The following CTXN3 variants were observed in gnomAD, a reference collection of about 807,000 sequenced individuals.
CTXN3 encodes the protein cortexin-3.
Under a neutral mutation model 5.0 loss-of-function variants are expected in CTXN3, and 4 were observed. That is an observed-to-expected ratio of 0.79 (90% CI 0.39 to 1.82). The LOEUF is 1.82. Among genes scored for constraint, CTXN3 ranks in the 40% most tolerant of loss-of-function variants. CTXN3 has a pLI of 0.04. For missense variants in CTXN3, 89 were observed against 99.7 expected (o/e 0.89, Z 0.46); for synonymous variants, 48 against 38.6 (o/e 1.24, Z -0.91).
rs1749960867 is a variant in CTXN3, at chr5:127,658,217, A to G, written c.*450A>G. On this transcript the variant is annotated 3_prime_UTR_variant, in exon 3 of 3. Transcript: ENST00000379445. ...GGCACCTATCTGGGTCCTGAGCAGA[A>G]TGAGGAAGATTGTGCTGAATGGACC... 1 of 179,882 alleles carries G rather than the reference A, an allele frequency of 5.6e-6. No individual in the cohort carries two copies. Among genetic ancestry groups the G allele is most frequent in the Non-Finnish European group, 1.3e-5 (1 of 75,700 alleles). The allele number at this position is 179,882 out of a possible 1,614,324, so 11.1% of individuals were successfully genotyped here.
chr5:127,654,697 AGAAGGCTGGG>A (rs1749865428), intron 2 of CTXN3, among the ~76,000 whole-genome samples: 1 of 152,156 alleles, frequency 6.6e-6, no homozygotes, highest in South Asian at 2.1e-4. Context: ...TGTATGGAAG[AGAAGGCTGGG>A]GAAGACTACT....
intron 1 of CTXN3, chr5:127,651,549 C>A (rs1347905522): frequency 6.6e-6 from 1 of 151,964 alleles, no homozygotes; most frequent in African/African-American, 2.4e-5. Flanking sequence ...ATTTTCATAC[C>A]TTAGTGTGCT....
Position 127,657,771 on chromosome 5 carries a change from G to T in CTXN3, c.*4G>T. The T allele has an allele frequency of 6.2e-7, 1 of 1,613,950 alleles. No individual in the cohort carries two copies. The highest frequency in any genetic ancestry group is 8.5e-7 in the Non-Finnish European group (1 of 1,179,930). ...GTTCGACCATGCCCTTGCTTAGGAG[G>T]GATGGTGTGGGATCTCCTCCTGAGG... On this transcript the variant is annotated 3_prime_UTR_variant, in exon 3 of 3. Coordinates refer to ENST00000379445, the MANE Select transcript of CTXN3 (RefSeq NM_001048252.3).
chr5:127,650,925 T>A (rs1749772023), intron 1 of CTXN3, among the ~76,000 whole-genome samples: 2 of 152,164 alleles, frequency 1.3e-5, no homozygotes, highest in African/African-American at 2.4e-5. Flanking sequence ...GTGCTAAAAG[T>A]AGAGAGGGAT....
chr5:127,655,711 C>T (rs1421785825), intron 2 of CTXN3, among the ~76,000 whole-genome samples: 9 of 152,150 alleles, frequency 5.9e-5, no homozygotes, highest in Non-Finnish European at 1.0e-4. Flanking sequence ...CAAAACAAAA[C>T]CCAGTGCATT....
rs1749936162 is a variant in CTXN3 at position 127,657,488 on chromosome 5, A to AGAG, written c.-34_-33insGAG. On this transcript the variant is annotated 5_prime_UTR_variant, in exon 3 of 3. Transcript: ENST00000379445. Reference sequence around the variant, plus strand: ...CAGATTGATGATGGAAGAAAAGAAAACCAGGATATCCTGTGCTCTGGCTTC... The same window carrying AGAG: ...CAGATTGATGATGGAAGAAAAGAAAAGAGCCAGGATATCCTGTGCTCTGGCTTC... The AGAG allele has an allele frequency of 5.0e-6, 8 of 1,608,804 alleles. No individual in the cohort carries two copies. Among genetic ancestry groups the AGAG allele is most frequent in the Non-Finnish European group, 6.8e-6 (8 of 1,177,074 alleles).
In CTXN3 at chr5:127,658,038, G is replaced by C. The variant is rs1161690912; in HGVS notation, c.*271G>C. The C allele has an allele frequency of 1.4e-5, 6 of 426,864 alleles. No homozygotes were observed. The allele number at this position is 426,864 out of a possible 1,614,324, so 26.4% of individuals were successfully genotyped here. A position where few individuals can be genotyped will look rare whatever the true frequency, so the allele number is the denominator to read the frequency against. On this transcript the variant is annotated 3_prime_UTR_variant, in exon 3 of 3. Coordinates refer to ENST00000379445, the MANE Select transcript of CTXN3 (RefSeq NM_001048252.3). ...TAAAATTGTGTGATTGTGAAACCAA[G>C]AGCGTTAATACTGACATAGATTTGC...
At chr5:127,655,536 T>C (rs1223346767) in intron 2 of CTXN3, among the ~76,000 whole-genome samples, 1 of 152,200 alleles carries the variant, frequency 6.6e-6, no homozygotes, top group Admixed American at 6.5e-5. Flanking sequence ...TTATATTTCA[T>C]ATGATTAAGT....
rs1156588332 is a variant in CTXN3, at chr5:127,658,341, T to A, written c.*574T>A. On this transcript the variant is annotated 3_prime_UTR_variant, in exon 3 of 3. Transcript: ENST00000379445. ...TGTCCTTGGTAAATGTGAGTGAGAA[T>A]AGCGTTTTGTTTTTCAAGTAAAACT... is the stretch of plus-strand genomic sequence containing the variant. 2 of 167,602 alleles carry A rather than the reference T, an allele frequency of 1.2e-5. No homozygotes were observed. Among genetic ancestry groups the A allele is most frequent in the Admixed American group, 6.5e-5 (1 of 15,358 alleles). 10.4% of individuals were successfully genotyped at this position (167,602 alleles called of 1,614,324 possible). A position where few individuals can be genotyped will look rare whatever the true frequency, so the allele number is the denominator to read the frequency against.
In CTXN3 at chr5:127,657,607, T is replaced by C. The variant is rs765080231; in HGVS notation, c.86T>C (p.Met29Thr). Residue 29 changes from methionine to threonine, a missense_variant, in exon 3 of 3, where the codon ATG becomes ACG. By Grantham distance (81) the Met-to-Thr change is moderately conservative. Transcript: ENST00000379445. ...ADSSMSLEQK[M>T]TFVFVILLFI... ...TCTAGCATGTCCCTGGAGCAGAAAATGACATTTGTTTTTGTGATTCTGTTG... is the reference window on the plus strand; with the variant it reads ...TCTAGCATGTCCCTGGAGCAGAAAACGACATTTGTTTTTGTGATTCTGTTG... 4.3e-6 allele frequency: 7 copies of C among 1,613,802 alleles called. No homozygotes were observed. In the Admixed American group the frequency reaches 1.2e-4, roughly 27 times the overall value.
rs1749938471 is a variant in CTXN3, at chr5:127,657,545, C to A, written c.24C>A (p.Pro8=). 6.2e-7 allele frequency: 1 copy of A among 1,614,040 alleles called. No homozygotes were observed. Among genetic ancestry groups the A allele is most frequent in the Non-Finnish European group, 8.5e-7 (1 of 1,179,932 alleles). The change falls in exon 3 of 3, where the codon CCC becomes CCA. Residue 8 remains proline, a synonymous_variant. Transcript: ENST00000379445. MDGGQPI[P]SSLVPLGNES... is the part of the protein sequence containing the mutation. ...CCATGGATGGAGGACAGCCCATCCC[C>A]TCATCCCTAGTGCCCCTTGGGAACG... is the stretch of plus-strand genomic sequence containing the variant.
chr5:127,657,421 A>G lies in CTXN3; in HGVS notation c.-99-2A>G, dbSNP rs1173429670. The G allele has an allele frequency of 1.1e-5, 15 of 1,346,554 alleles. No individual in the cohort carries two copies. Among genetic ancestry groups the G allele is most frequent in the South Asian group, 2.7e-5 (2 of 74,562 alleles). 83.4% of individuals were successfully genotyped at this position (1,346,554 alleles called of 1,614,324 possible). A position where few individuals can be genotyped will look rare whatever the true frequency, so the allele number is the denominator to read the frequency against. ...TTCCTTTCCCTTCCTTTTTCCCTGC[A>G]GATAACTCAGCCTCTCCAGAGTGCA... is the stretch of plus-strand genomic sequence containing the variant. On this transcript the variant is annotated splice_acceptor_variant, in intron 2 of 2. Coordinates refer to ENST00000379445, the MANE Select transcript of CTXN3 (RefSeq NM_001048252.3). LOFTEE classifies it low-confidence loss of function (5UTR_SPLICE).
chr5:127,657,785 C>G lies in CTXN3; in HGVS notation c.*18C>G, dbSNP rs1427395040. The G allele has an allele frequency of 1.9e-6, 3 of 1,613,802 alleles. No homozygotes were observed. The highest frequency in any genetic ancestry group is 2.5e-6 in the Non-Finnish European group (3 of 1,179,844). ...TTGCTTAGGAGGGATGGTGTGGGAT[C>G]TCCTCCTGAGGAGATGAAGTGCTTT... On this transcript the variant is annotated 3_prime_UTR_variant, in exon 3 of 3. Coordinates refer to ENST00000379445, the MANE Select transcript of CTXN3 (RefSeq NM_001048252.3).
chr5:127,654,141 G>C (rs1456554633), intron 2 of CTXN3, among the ~76,000 whole-genome samples: 1 of 152,180 alleles, frequency 6.6e-6, no homozygotes, highest in South Asian at 2.1e-4. Context: ...TTGCAATTTA[G>C]TAGGAGACGT....
At chr5:127,654,886 G>C (rs1441796022) in intron 2 of CTXN3, among the ~76,000 whole-genome samples, 2 of 152,144 alleles carry the variant, frequency 1.3e-5, no homozygotes, top group African/African-American at 4.8e-5. Flanking sequence ...CACAGATCCA[G>C]AAATCCTTAC....
At chr5:127,654,131 T>C (rs1257969594) in intron 2 of CTXN3, among the ~76,000 whole-genome samples, 1 of 152,222 alleles carries the variant, frequency 6.6e-6, no homozygotes. Flanking sequence ...AGGTAAAATA[T>C]TGCAATTTAG....
At chr5:127,654,080 C>G (rs1288418116) in intron 2 of CTXN3, among the ~76,000 whole-genome samples, 1 of 152,186 alleles carries the variant, frequency 6.6e-6, no homozygotes, top group East Asian at 1.9e-4. Context: ...TGGGAACGGT[C>G]CTCACAAATT....
rs148234170 is a variant in CTXN3, at chr5:127,657,841, G to A, written c.*74G>A. On this transcript the variant is annotated 3_prime_UTR_variant, in exon 3 of 3. Coordinates refer to ENST00000379445, the MANE Select transcript of CTXN3 (RefSeq NM_001048252.3). ...TTGGTGAGGATTCCCTTTATTTAGT[G>A]TTCTCAACAAATCAAATTTAAACAA... 2 of 1,537,086 alleles carry A rather than the reference G, an allele frequency of 1.3e-6. No homozygotes were observed. Among genetic ancestry groups the A allele is most frequent in the East Asian group, 4.5e-5 (2 of 44,190 alleles).
intron 2 of CTXN3, among the ~76,000 whole-genome samples, chr5:127,654,797 C>T (rs906173172): frequency 2.0e-5 from 3 of 152,164 alleles, no homozygotes; most frequent in African/African-American, 7.2e-5. Context: ...CCGTCCTAGT[C>T]AGCCTGCTTG....
Sources: allele counts gnomAD v4.1 joint callset (sites outside exome capture counted in the v4.1 genomes callset), GRCh38; gene constraint gnomAD v4.1.1; transcripts MANE v1.5; gene names NCBI Gene and HGNC (gene_info 2026-07-23, HGNC 2026-07-21).